The following MAST1 variants were observed in gnomAD, a reference collection of about 807,000 sequenced individuals.
MAST1 encodes microtubule associated serine/threonine kinase 1.
In MAST1, 40 loss-of-function variants were observed where a neutral mutation model predicts 124.6. The ratio of observed to expected loss-of-function variants is 0.32; its 90% CI spans 0.25 to 0.42. The LOEUF (loss-of-function observed/expected upper bound fraction) is 0.42, where lower values mean the gene tolerates loss of function less well. Ranked by LOEUF, MAST1 falls within the 10% of genes least tolerant of loss-of-function variation. MAST1 has a pLI of 1.00. For synonymous variants in MAST1, 938 were observed against 939.4 expected (o/e 1.00, Z 0.03); for missense variants, 1,558 against 2,181.9 (o/e 0.71, Z 5.70).
In MAST1 at chr19:12,871,068, C is replaced by A. The variant is rs1970227548; in HGVS notation, c.3159C>A (p.Pro1053=). The A allele has an allele frequency of 6.2e-7, 1 of 1,614,080 alleles. No homozygotes were observed. The highest frequency in any genetic ancestry group is 1.3e-5 in the African/African-American group (1 of 74,932). The part of the protein sequence containing the change: ...SGNKVAVTTT[P]FENTSIRIGP... ...ACAAGGTAGCAGTGACCACAACGCC[C>A]TTCGAAAATACCTCTATCCGCATTG... The change falls in exon 24 of 26, where the codon CCC becomes CCA. Residue 1053 remains proline (P), a synonymous_variant. Coordinates refer to ENST00000251472, the MANE Select transcript of MAST1 (RefSeq NM_014975.3).
At chr19:12,851,223 C>G (rs575564624) in intron 7 of MAST1, among the ~76,000 whole-genome samples, 1 of 151,844 alleles carries the variant, frequency 6.6e-6, no homozygotes, top group Non-Finnish European at 1.5e-5. Context: ...GCTGGGATTA[C>G]AGGCGTGAGC....
rs751391644 is a variant in MAST1 at position 12,865,846 on chromosome 19, G to A, written c.1906+28G>A. 8.7e-6 allele frequency: 14 copies of A among 1,606,442 alleles called. No individual in the cohort carries two copies. The East Asian group carries it at 3.1e-4, about 36-fold the overall frequency. ...AAGTCCGCCATGCAGAGGAGCTGAG[G>A]GCCCACTGATAGAGAGCAGGCCTCC... On this transcript the variant is annotated intron_variant, in intron 16 of 25. Transcript: ENST00000251472. The surrounding 1 kb of genome is among the most constrained non-coding windows in gnomAD (Gnocchi z 7.1).
intron 12 of MAST1, among the ~76,000 whole-genome samples, chr19:12,860,738 CTT>C (rs1970071083): frequency 6.6e-6 from 1 of 151,980 alleles, no homozygotes; most frequent in African/African-American, 2.4e-5. Flanking sequence ...TGAGCCATAG[CTT>C]GCGGCCCATA....
At chr19:12,869,338 G>A (rs757449499) in intron 22 of MAST1, 43 bp downstream of exon 22, 38 of 1,553,258 alleles carry the variant, frequency 2.4e-5, no homozygotes, top group Non-Finnish European at 3.2e-5. Context: ...AGTGGAGGGT[G>A]GTGGGGAAAA....
At position 12,843,481 on chromosome 19, in the gene MAST1, G is replaced by A. The variant is rs1969855947; in HGVS notation, c.249-48G>A. 6.6e-7 allele frequency: 1 copy of A among 1,510,074 alleles called. No homozygotes were observed. Among genetic ancestry groups the A allele is most frequent in the Admixed American group, 1.7e-5 (1 of 58,812 alleles). The allele number at this position is 1,510,074 out of a possible 1,614,324, so 93.5% of individuals were successfully genotyped here. ...CTTCACCCACACCCTGAGGAGTTGGGGGACCGCTGGGGCCTTGTGGCCTCT... is the reference window on the plus strand; with the variant it reads ...CTTCACCCACACCCTGAGGAGTTGGAGGACCGCTGGGGCCTTGTGGCCTCT... On this transcript the variant is annotated intron_variant, in intron 3 of 25. Coordinates refer to ENST00000251472, the MANE Select transcript of MAST1 (RefSeq NM_014975.3). This position sits in a 1 kb window ranked among gnomAD's most constrained non-coding sequence, Gnocchi z 4.9.
Position 12,873,844 on chromosome 19 carries a change from G to A in MAST1, c.3687G>A (p.Ser1229=), listed in dbSNP as rs757331924. Reference sequence around the variant, plus strand: ...TGCCGGGCCACACGGTGGGCAGCTCGCACACTACTCAGAGCTTCCCGGCCA... The same window carrying A: ...TGCCGGGCCACACGGTGGGCAGCTCACACACTACTCAGAGCTTCCCGGCCA... The part of the protein sequence containing the change: ...PPLPGHTVGS[S]HTTQSFPAKL... Residue 1229 remains serine (S), a synonymous_variant, in exon 26 of 26, where the codon TCG becomes TCA. Transcript: ENST00000251472. The A allele has an allele frequency of 2.5e-6, 4 of 1,588,154 alleles. No individual in the cohort carries two copies. The East Asian group carries it at 9.0e-5, about 36-fold the overall frequency.
Position 12,873,617 on chromosome 19 carries a change from T to A in MAST1, c.3460T>A (p.Ser1154Thr), listed in dbSNP as rs1408288964. Residue 1154 changes from serine (S) to threonine (T), a missense_variant, in exon 26 of 26, where the codon TCC becomes ACC. Coordinates refer to ENST00000251472, the MANE Select transcript of MAST1 (RefSeq NM_014975.3). ...CCTCCTGTCTCCCGCAGGCGCCTCA[T>A]CCCAGAGCAGCTCCCCAGCCTCGAG... ...TPDSAYLGAS[S>T]QSSSPASSTP... 6.3e-7 allele frequency: 1 copy of A among 1,587,506 alleles called. No individual in the cohort carries two copies. The highest frequency in any genetic ancestry group is 1.7e-5 in the Admixed American group (1 of 59,536).
chr19:12,873,309 C>G lies in MAST1; in HGVS notation c.3264-15C>G. 1.2e-6 allele frequency: 2 copies of G among 1,609,338 alleles called. No homozygotes were observed. The highest frequency in any genetic ancestry group is 1.7e-6 in the Non-Finnish European group (2 of 1,176,542). On this transcript the variant is annotated splice_polypyrimidine_tract_variant and intron_variant, in intron 24 of 25. Transcript: ENST00000251472. ...GTCCAGGTCAAGGACGCTTGGCCCC[C>G]TCCCTGTCCCGCAGCAAGAAGCGCA... is the stretch of plus-strand genomic sequence containing the variant.
intron 11 of MAST1, 44 bp downstream of exon 11, chr19:12,858,485 G>C (rs781752014): frequency 6.2e-7 from 1 of 1,611,798 alleles, no homozygotes; most frequent in Non-Finnish European, 8.5e-7. Context: ...GGCGGAGGCC[G>C]GGTGTCTCGG....
In MAST1 at chr19:12,873,366, G is replaced by A. The variant is rs754580398; in HGVS notation, c.3306G>A (p.Ser1102=). The A allele has an allele frequency of 1.5e-5, 25 of 1,613,940 alleles. No homozygotes were observed. The highest frequency in any genetic ancestry group is 1.9e-5 in the Non-Finnish European group (22 of 1,179,922). Residue 1102 remains serine (S), a synonymous_variant, in exon 25 of 26, where the codon TCG becomes TCA. Transcript: ENST00000251472. Reference sequence around the variant, plus strand: ...TCTTCCGGAAGATCACGAAGCAGTCGAACCTGCTGCATACTAGCCGCTCGC... The same window carrying A: ...TCTTCCGGAAGATCACGAAGCAGTCAAACCTGCTGCATACTAGCCGCTCGC... ...SSLFRKITKQ[S]NLLHTSRSLS... is the part of the protein sequence containing the mutation.
intron 20 of MAST1, 49 bp downstream of exon 20, chr19:12,868,026 T>A: frequency 6.6e-7 from 1 of 1,507,052 alleles, no homozygotes; most frequent in Non-Finnish European, 8.9e-7. Context: ...AATGTCCTAC[T>A]GGTCATATAG....
chr19:12,865,725 C>A lies in MAST1; in HGVS notation c.1813C>A (p.Leu605Met). 2 of 1,611,040 alleles carry A rather than the reference C, an allele frequency of 1.2e-6. No individual in the cohort carries two copies. Among genetic ancestry groups the A allele is most frequent in the South Asian group, 2.2e-5 (2 of 90,774 alleles). Reference sequence around the variant, plus strand: ...TCCGTTTTGTTTTGCAGATGACATCCTGTGGCCCGAGGGGGATGAGGCCCT... The same window carrying A: ...TCCGTTTTGTTTTGCAGATGACATCATGTGGCCCGAGGGGGATGAGGCCCT... Reference protein sequence around the residue: ...LFGQVISDDILWPEGDEALPT... With the variant: ...LFGQVISDDIMWPEGDEALPT... Residue 605 changes from leucine (L) to methionine (M), a missense_variant, in exon 16 of 26, where the codon CTG becomes ATG. This residue lies in a region of MAST1 where 145 missense variants were observed against 350.0 expected (regional missense o/e 0.41). Coordinates refer to ENST00000251472, the MANE Select transcript of MAST1 (RefSeq NM_014975.3). The surrounding 1 kb of genome is among the most constrained non-coding windows in gnomAD (Gnocchi z 7.1).
At chr19:12,860,137 C>T (rs561900660) in intron 12 of MAST1, among the ~76,000 whole-genome samples, 9 of 151,798 alleles carry the variant, frequency 5.9e-5, no homozygotes, top group Non-Finnish European at 8.8e-5. Flanking sequence ...TTGGGGGGGA[C>T]GGCGTCTTGC....
chr19:12,871,911 T>A (rs1970239554), intron 24 of MAST1, among the ~76,000 whole-genome samples: 1 of 116,392 alleles, frequency 8.6e-6, no homozygotes. Flanking sequence ...GCTAGACTCT[T>A]TCAAAAAAAA....
chr19:12,859,996 C>G (rs756732872), intron 12 of MAST1, among the ~76,000 whole-genome samples: 5 of 151,934 alleles, frequency 3.3e-5, no homozygotes, highest in Admixed American at 1.3e-4. Context: ...GCCACCGAGC[C>G]CATCCCATAT....
At position 12,865,340 on chromosome 19, in the gene MAST1, G is replaced by A; in HGVS notation, c.1663G>A (p.Ala555Thr). 6.2e-7 allele frequency: 1 copy of A among 1,602,252 alleles called. No individual in the cohort carries two copies. The highest frequency in any genetic ancestry group is 8.5e-7 in the Non-Finnish European group (1 of 1,174,102). The change falls in exon 15 of 26, where the codon GCG (alanine) becomes ACG (threonine). Residue 555 changes from alanine (A) to threonine (T), a missense_variant. By Grantham distance (58) the Ala-to-Thr change is moderately conservative (BLOSUM62 0). Around this residue, in one of 10 missense-constraint regions of MAST1, gnomAD observed 145 missense variants for 350.0 expected, o/e 0.41. Coordinates refer to ENST00000251472, the MANE Select transcript of MAST1 (RefSeq NM_014975.3). This position sits in a 1 kb window ranked among gnomAD's most constrained non-coding sequence, Gnocchi z 7.1. Reference protein sequence around the residue: ...KQVCGTPEYIAPEVILRQGYG... With the variant: ...KQVCGTPEYITPEVILRQGYG... ...GGTGTGTGGGACCCCAGAGTACATC[G>A]CGCCCGAGGTCATCCTGCGTCAAGG...
intron 18 of MAST1, 23 bp from the exon 19 acceptor site, chr19:12,867,451 T>G: frequency 6.2e-7 from 1 of 1,611,854 alleles, no homozygotes; most frequent in Non-Finnish European, 8.5e-7. Context: ...CGGGCTGGAC[T>G]TGCCTCCCAC....
At chr19:12,863,459 C>A (rs1046691281) in intron 12 of MAST1, among the ~76,000 whole-genome samples, 1 of 152,144 alleles carries the variant, frequency 6.6e-6, no homozygotes. Context: ...CTTTCTTGGT[C>A]ATTGGTGATT....
At chr19:12,862,930 G>A (rs574318004) in intron 12 of MAST1, among the ~76,000 whole-genome samples, 9 of 151,932 alleles carry the variant, frequency 5.9e-5, no homozygotes, top group African/African-American at 2.2e-4. Flanking sequence ...GCTTCCCAAA[G>A]TGTTGGGATT....
Sources: gnomAD v4.1 joint callset for allele counts (sites outside exome capture counted in the v4.1 genomes callset) on GRCh38, gnomAD v4.1.1 for gene constraint, gnomAD v4.1.1 regional missense constraint, Gnocchi (gnomAD v3.1) non-coding constraint, MANE v1.5 for transcripts, NCBI Gene and HGNC (gene_info 2026-07-23, HGNC 2026-07-21) for gene names.